PPM1H: variants seen among roughly 807,000 people sequenced by gnomAD.
PPM1H encodes the protein protein phosphatase, Mg2+/Mn2+ dependent 1H, also known as protein phosphatase 1H.
PPM1H carries 27 observed loss-of-function variants against 54.9 expected under a neutral mutation model. The observed-to-expected ratio is 0.49, with a 90% confidence interval of 0.36 to 0.68. PPM1H has a LOEUF of 0.68. Among genes scored for constraint, PPM1H ranks in the 30% least tolerant of loss-of-function variants. The probability of loss-of-function intolerance (pLI) is 0.00; values close to 1 mark genes in which losing one functional copy is unlikely to be tolerated. For synonymous variants in PPM1H, 305 were observed against 270.8 expected (o/e 1.13, Z -1.24); for missense variants, 596 against 667.8 (o/e 0.89, Z 1.19).
chr12:62,934,001 T>G lies in PPM1H; in HGVS notation c.245+491A>C, dbSNP rs1377778228. ...CCTTCGGAAATGTACAACCACGCAC[T>G]CGGACACGGCCACCTCCCGGAATCG... On this transcript the variant is annotated intron_variant, in intron 1 of 9. Coordinates refer to ENST00000228705, the MANE Select transcript of PPM1H (RefSeq NM_020700.2). The surrounding 1 kb of genome is among the most constrained non-coding windows in gnomAD (Gnocchi z 4.2). 1 of 154,266 alleles carries G rather than the reference T, an allele frequency of 6.5e-6. No homozygotes were observed. Among genetic ancestry groups the G allele is most frequent in the Non-Finnish European group, 1.4e-5 (1 of 69,556 alleles). 9.6% of individuals were successfully genotyped at this position (154,266 alleles called of 1,614,324 possible).
intron 1 of PPM1H, among the ~76,000 whole-genome samples, chr12:62,919,490 C>G (rs1446679382): frequency 6.6e-6 from 1 of 152,130 alleles, no homozygotes; most frequent in Non-Finnish European, 1.5e-5. Context: ...TCAAGGTTAA[C>G]AAAGGTTAAT....
chr12:62,745,427 T>C (rs1261525125), intron 4 of PPM1H, among the ~76,000 whole-genome samples: 1 of 152,194 alleles, frequency 6.6e-6, no homozygotes, highest in Admixed American at 6.5e-5. Flanking sequence ...TTTTGTAAGT[T>C]TGAAGAGGAA....
chr12:62,859,327 G>A (rs1293433831), intron 1 of PPM1H, among the ~76,000 whole-genome samples: 2 of 152,194 alleles, frequency 1.3e-5, no homozygotes, highest in Non-Finnish European at 2.9e-5. Context: ...ATCTAGCTCT[G>A]GAATCAGTAA....
intron 1 of PPM1H, among the ~76,000 whole-genome samples, chr12:62,858,084 T>TCACCCCAC (rs1869458249): frequency 6.8e-6 from 1 of 146,770 alleles, no homozygotes; most frequent in African/African-American, 2.6e-5. Context: ...CACCACCCCA[T>TCACCCCAC]CACCCCACCA....
intron 5 of PPM1H, among the ~76,000 whole-genome samples, chr12:62,726,907 A>G (rs1434312970): frequency 3.9e-5 from 6 of 152,112 alleles, no homozygotes; most frequent in Non-Finnish European, 7.4e-5. Context: ...CTAGTTTGCT[A>G]ATAATTTACT....
At chr12:62,764,595 C>T (rs1229845520) in intron 4 of PPM1H, among the ~76,000 whole-genome samples, 1 of 152,128 alleles carries the variant, frequency 6.6e-6, no homozygotes, top group African/African-American at 2.4e-5. Context: ...CTTCCTCTCC[C>T]ATTTTGTTTT....
chr12:62,892,771 T>C (rs1565821815), intron 1 of PPM1H, among the ~76,000 whole-genome samples: 1 of 152,166 alleles, frequency 6.6e-6, no homozygotes, highest in Non-Finnish European at 1.5e-5. Flanking sequence ...AGTAAATACA[T>C]CCTGATTTCA....
intron 4 of PPM1H, among the ~76,000 whole-genome samples, chr12:62,764,707 T>G (rs2076530986): frequency 6.6e-6 from 1 of 152,200 alleles, no homozygotes; most frequent in East Asian, 1.9e-4. Flanking sequence ...CAGTTTCTGC[T>G]GCACAGAGCT....
chr12:62,899,415 TA>T (rs547067523), intron 1 of PPM1H, among the ~76,000 whole-genome samples: 8 of 151,680 alleles, frequency 5.3e-5, no homozygotes, highest in African/African-American at 9.7e-5. Flanking sequence ...CTAAAAACAC[TA>T]AAAAAAATTA....
At chr12:62,799,853 C>A (rs117091643) in intron 3 of PPM1H, among the ~76,000 whole-genome samples, 232 of 152,280 alleles carry the variant, frequency 1.5e-3, no homozygotes, top group South Asian at 7.7e-3. Context: ...TAGGTCACCC[C>A]TCCTCAGGCA....
At chr12:62,649,725 G>A (rs2136591938) in intron 9 of PPM1H, among the ~76,000 whole-genome samples, 1 of 152,342 alleles carries the variant, frequency 6.6e-6, no homozygotes, top group East Asian at 1.9e-4. Context: ...AGGAAAGAAT[G>A]AGCTAGTCGT....
chr12:62,660,453 T>C (rs574338189), intron 9 of PPM1H, among the ~76,000 whole-genome samples: 2 of 152,248 alleles, frequency 1.3e-5, no homozygotes, highest in South Asian at 4.2e-4. Flanking sequence ...TACAAAGCTA[T>C]ATTAACCCAA....
chr12:62,670,314 T>C (rs1259097749), intron 8 of PPM1H, among the ~76,000 whole-genome samples: 6 of 152,118 alleles, frequency 3.9e-5, no homozygotes, highest in African/African-American at 1.4e-4. Context: ...CTACAATAAA[T>C]TTTTGGGATA....
intron 6 of PPM1H, among the ~76,000 whole-genome samples, chr12:62,695,178 C>G (rs565503728): frequency 3.3e-5 from 5 of 152,062 alleles, no homozygotes; most frequent in Non-Finnish European, 7.4e-5. Context: ...CATGCAACCC[C>G]AAAGTTAAAG....
At chr12:62,708,701 T>G (rs2076189489) in intron 6 of PPM1H, among the ~76,000 whole-genome samples, 1 of 152,222 alleles carries the variant, frequency 6.6e-6, no homozygotes, top group South Asian at 2.1e-4. Context: ...TCTAAGTCAC[T>G]GATAAAAATT....
intron 1 of PPM1H, among the ~76,000 whole-genome samples, chr12:62,846,611 C>G (rs1868980704): frequency 6.6e-6 from 1 of 151,902 alleles, no homozygotes; most frequent in South Asian, 2.1e-4. Context: ...CTCGCACCCC[C>G]TCATCCTTAG....
chr12:62,919,145 G>A (rs1871713723), intron 1 of PPM1H, among the ~76,000 whole-genome samples: 2 of 152,100 alleles, frequency 1.3e-5, no homozygotes, highest in South Asian at 2.1e-4. Flanking sequence ...TGTGCCTCTC[G>A]GGCAACTTGT....
chr12:62,934,653 G>T lies in PPM1H; in HGVS notation c.84C>A (p.Gly28=), dbSNP rs781364887. Residue 28 remains glycine (G), a synonymous_variant, in exon 1 of 10, where the codon GGC becomes GGA. Transcript: ENST00000228705. The surrounding 1 kb of genome is among the most constrained non-coding windows in gnomAD (Gnocchi z 4.2). ...AGSSGSEHGG[G]SCGGSDLPLR... is the part of the protein sequence containing the mutation. ...GGGGCAGGTCCGAGCCTCCGCAGCT[G>T]CCGCCGCCGTGCTCGGAGCCTGAGC... 7.5e-6 allele frequency: 12 copies of T among 1,596,696 alleles called. No homozygotes were observed. Among genetic ancestry groups the T allele is most frequent in the Non-Finnish European group, 1.0e-5 (12 of 1,173,118 alleles).
intron 6 of PPM1H, among the ~76,000 whole-genome samples, chr12:62,719,103 G>A (rs1438915019): frequency 6.6e-6 from 1 of 152,182 alleles, no homozygotes; most frequent in Non-Finnish European, 1.5e-5. Flanking sequence ...AGTGGATACA[G>A]GTGAGAAACT....
Sources: gnomAD v4.1 joint callset for allele counts (sites outside exome capture counted in the v4.1 genomes callset) on GRCh38, gnomAD v4.1.1 for gene constraint, Gnocchi (gnomAD v3.1) non-coding constraint, MANE v1.5 for transcripts, NCBI Gene and HGNC (gene_info 2026-07-23, HGNC 2026-07-21) for gene names.